UGT8: variants seen among roughly 807,000 people sequenced by gnomAD.
UGT8 encodes the protein 2-hydroxyacylsphingosine 1-beta-galactosyltransferase.
Under a neutral mutation model 40.5 loss-of-function variants are expected in UGT8, and 12 were observed. That is an observed-to-expected ratio of 0.30 (90% CI 0.19 to 0.48). The LOEUF (loss-of-function observed/expected upper bound fraction) is 0.48, where lower values mean the gene tolerates loss of function less well. Ranked by LOEUF, UGT8 falls within the 20% of genes least tolerant of loss-of-function variation. UGT8 has a pLI of 0.99. For missense variants in UGT8, 513 were observed against 648.7 expected (o/e 0.79, Z 2.27); for synonymous variants, 224 against 240.4 (o/e 0.93, Z 0.63).
chr4:114,601,298 A>G (rs938092831), intron 1 of UGT8, among the ~76,000 whole-genome samples: 1 of 152,236 alleles, frequency 6.6e-6, no homozygotes, highest in East Asian at 1.9e-4. Context: ...ATGAACAACT[A>G]TCAGCTTCAT....
At chr4:114,663,673 A>T (rs1259040913) in intron 2 of UGT8, 1 of 984,610 alleles carries the variant, frequency 1.0e-6, no homozygotes, top group Non-Finnish European at 1.2e-6. Context: ...CTGCATACAA[A>T]TTTTTTTCTG....
intron 2 of UGT8, among the ~76,000 whole-genome samples, chr4:114,647,982 A>G (rs770633773): frequency 6.6e-6 from 1 of 152,104 alleles, no homozygotes; most frequent in African/African-American, 2.4e-5. Flanking sequence ...GCTTATTTTT[A>G]TGTTTAGTGG....
At chr4:114,617,510 G>T (rs992492005) in intron 1 of UGT8, among the ~76,000 whole-genome samples, 10 of 152,170 alleles carry the variant, frequency 6.6e-5, no homozygotes, top group African/African-American at 2.2e-4. Context: ...TGCAGTTTGT[G>T]TAGAGTCTTC....
chr4:114,636,799 C>T (rs969139468), intron 2 of UGT8, among the ~76,000 whole-genome samples: 5 of 152,142 alleles, frequency 3.3e-5, no homozygotes, highest in Non-Finnish European at 5.9e-5. Flanking sequence ...ACTGTAGCAT[C>T]CTCAGTTAAC....
intron 2 of UGT8, among the ~76,000 whole-genome samples, chr4:114,648,296 T>G (rs1389431970): frequency 6.6e-6 from 1 of 151,910 alleles, no homozygotes; most frequent in Non-Finnish European, 1.5e-5. Context: ...AAGGAGGGGT[T>G]GTAAATGCTG....
chr4:114,609,025 T>C (rs1023688364), intron 1 of UGT8, among the ~76,000 whole-genome samples: 3 of 152,176 alleles, frequency 2.0e-5, no homozygotes, highest in African/African-American at 7.2e-5. Flanking sequence ...ATTCTTCTGG[T>C]CAGAATATCT....
chr4:114,663,651 TTTTG>T (rs1039468910), intron 2 of UGT8: 4 of 980,398 alleles, frequency 4.1e-6, no homozygotes, highest in African/African-American at 3.5e-5. Context: ...AATCCACATC[TTTTG>T]TTTGTGTCTG....
intron 2 of UGT8, among the ~76,000 whole-genome samples, chr4:114,652,698 C>T (rs550792566): frequency 6.6e-6 from 1 of 151,930 alleles, no homozygotes; most frequent in Non-Finnish European, 1.5e-5. Context: ...ACAGAATTGG[C>T]TGTATAGAAT....
Position 114,623,195 on chromosome 4 carries a change from C to A in UGT8, c.315C>A (p.Asp105Glu). The A allele has an allele frequency of 6.2e-7, 1 of 1,614,176 alleles. No individual in the cohort carries two copies. Among genetic ancestry groups the A allele is most frequent in the Non-Finnish European group, 8.5e-7 (1 of 1,180,032 alleles). Residue 105 changes from aspartate to glutamate, a missense_variant, in exon 2 of 6, where the codon GAC becomes GAA. Physicochemically the swap from Asp to Glu is conservative, Grantham distance 45. Transcript: ENST00000310836. Reference protein sequence around the residue: ...SGRLTAIELFDILDHYTKNCD... With the variant: ...SGRLTAIELFEILDHYTKNCD... ...GATTGACAGCAATCGAACTGTTTGA[C>A]ATACTGGATCACTATACTAAGAACT...
intron 1 of UGT8, among the ~76,000 whole-genome samples, chr4:114,617,728 G>A (rs561802311): frequency 2.5e-4 from 38 of 152,286 alleles, no homozygotes; most frequent in African/African-American, 8.4e-4. Flanking sequence ...TTTGGGAAGC[G>A]TTAGTGCCCT....
At chr4:114,611,409 T>TCC (rs1327152744) in intron 1 of UGT8, among the ~76,000 whole-genome samples, 3 of 14,756 alleles carry the variant, frequency 2.0e-4, no homozygotes, top group Non-Finnish European at 5.7e-4. Context: ...TATCCATATA[T>TCC]ATATATATAT....
At chr4:114,611,015 T>C (rs1032631126) in intron 1 of UGT8, among the ~76,000 whole-genome samples, 2 of 152,166 alleles carry the variant, frequency 1.3e-5, no homozygotes, top group South Asian at 4.1e-4. Flanking sequence ...CATGTGAATA[T>C]GTTTCATTGC....
intron 2 of UGT8, among the ~76,000 whole-genome samples, chr4:114,624,787 G>A (rs186002482): frequency 2.7e-3 from 409 of 151,904 alleles, no homozygotes; most frequent in Middle Eastern, 0.01. Context: ...ATAATATATC[G>A]ATATATTTCA....
At chr4:114,618,854 A>G (rs1333926640) in intron 1 of UGT8, among the ~76,000 whole-genome samples, 1 of 152,128 alleles carries the variant, frequency 6.6e-6, no homozygotes. Context: ...AATTTTTAAC[A>G]CTATTGAATA....
chr4:114,618,901 C>T (rs775203639), intron 1 of UGT8, among the ~76,000 whole-genome samples: 2 of 152,034 alleles, frequency 1.3e-5, no homozygotes, highest in Non-Finnish European at 2.9e-5. Context: ...GTACTTCCTT[C>T]GTCATCTATT....
chr4:114,643,303 T>C (rs1372363991), intron 2 of UGT8, among the ~76,000 whole-genome samples: 1 of 152,176 alleles, frequency 6.6e-6, no homozygotes, highest in Non-Finnish European at 1.5e-5. Flanking sequence ...TGGAGAATGA[T>C]AGTGCACCTA....
chr4:114,659,232 C>T (rs1734371619), intron 2 of UGT8, among the ~76,000 whole-genome samples: 1 of 152,124 alleles, frequency 6.6e-6, no homozygotes. Context: ...ATTATGCTAC[C>T]TTTTCCCATA....
At chr4:114,600,172 C>G (rs1400805037) in intron 1 of UGT8, among the ~76,000 whole-genome samples, 1 of 152,108 alleles carries the variant, frequency 6.6e-6, no homozygotes, top group Admixed American at 6.5e-5. Flanking sequence ...ACCAGGCGTG[C>G]TCTGGAGAAT....
intron 1 of UGT8, among the ~76,000 whole-genome samples, chr4:114,618,545 C>T (rs1022334760): frequency 3.3e-5 from 5 of 152,218 alleles, no homozygotes; most frequent in East Asian, 3.9e-4. Flanking sequence ...AGTGGAGCTT[C>T]GGGAGAAAAG....
Sources: allele counts gnomAD v4.1 joint callset (sites outside exome capture counted in the v4.1 genomes callset), GRCh38; gene constraint gnomAD v4.1.1; transcripts MANE v1.5; gene names NCBI Gene and HGNC (gene_info 2026-07-23, HGNC 2026-07-21).